Variants in RCAN2 observed in about 807,000 individuals in gnomAD.
RCAN2 encodes regulator of calcineurin 2, also known as calcipressin-2.
RCAN2 carries 9 observed loss-of-function variants against 23.6 expected under a neutral mutation model. That is an observed-to-expected ratio of 0.38 (90% confidence interval 0.23 to 0.67). The LOEUF is 0.67. Among genes scored for constraint, RCAN2 ranks in the 30% least tolerant of loss-of-function variants. RCAN2 has a pLI of 0.51. For missense variants in RCAN2, 273 were observed against 302.3 expected, an observed-to-expected ratio of 0.90 and a Z score of 0.72; for synonymous variants, 109 against 115.7, an observed-to-expected ratio of 0.94 and a Z score of 0.37.
chr6:46,279,867 T>C (rs1171902845), intron 2 of RCAN2, among the ~76,000 whole-genome samples: 1 of 152,230 alleles, frequency 6.6e-6, no homozygotes, highest in African/African-American at 2.4e-5. Context: ...AAGATGTGTC[T>C]GATGAATAGT....
intron 2 of RCAN2, among the ~76,000 whole-genome samples, chr6:46,405,844 G>A (rs1020825697): frequency 5.3e-5 from 8 of 152,332 alleles, no homozygotes; most frequent in African/African-American, 1.9e-4. Context: ...GGCTCGGGCC[G>A]CACAGGAGCC....
intron 2 of RCAN2, among the ~76,000 whole-genome samples, chr6:46,419,494 G>T (rs759133000): frequency 6.6e-6 from 1 of 152,086 alleles, no homozygotes; most frequent in African/African-American, 2.4e-5. Flanking sequence ...TTTCATCCAC[G>T]GAAGGTACAT....
intron 2 of RCAN2, among the ~76,000 whole-genome samples, chr6:46,332,506 G>T (rs1764009311): frequency 7.9e-6 from 1 of 127,126 alleles, no homozygotes; most frequent in Non-Finnish European, 1.5e-5. Context: ...TCCCCTTCCT[G>T]TGTCCATGTG....
intron 2 of RCAN2, among the ~76,000 whole-genome samples, chr6:46,385,829 CCT>C (rs1178778417): frequency 7.4e-6 from 1 of 135,812 alleles, no homozygotes; most frequent in Admixed American, 8.3e-5. Context: ...TGCACTCCAG[CCT>C]GGGCAGCAAA....
chr6:46,351,728 A>C (rs1764652606), intron 2 of RCAN2, among the ~76,000 whole-genome samples: 1 of 152,256 alleles, frequency 6.6e-6, no homozygotes, highest in Admixed American at 6.5e-5. Flanking sequence ...ATGCATCTGC[A>C]TGCAGTCCTA....
chr6:46,372,347 G>A (rs1161681001), intron 2 of RCAN2, among the ~76,000 whole-genome samples: 1 of 152,126 alleles, frequency 6.6e-6, no homozygotes, highest in East Asian at 1.9e-4. Flanking sequence ...TATGAGCTAG[G>A]TATTATTTCT....
chr6:46,307,893 C>A (rs1413431650), intron 2 of RCAN2, among the ~76,000 whole-genome samples: 1 of 152,098 alleles, frequency 6.6e-6, no homozygotes, highest in Non-Finnish European at 1.5e-5. Flanking sequence ...AGGCTTTGTT[C>A]AAGCAAGTTG....
chr6:46,405,017 T>C (rs1276134065), intron 2 of RCAN2, among the ~76,000 whole-genome samples: 2 of 152,236 alleles, frequency 1.3e-5, no homozygotes, highest in African/African-American at 2.4e-5. Context: ...TACTATCTTA[T>C]AACGGGTTGG....
chr6:46,350,997 A>G (rs1367428896), intron 2 of RCAN2, among the ~76,000 whole-genome samples: 2 of 152,216 alleles, frequency 1.3e-5, no homozygotes, highest in African/African-American at 4.8e-5. Flanking sequence ...TGATAATAGT[A>G]TCACCTTCTT....
intron 2 of RCAN2, among the ~76,000 whole-genome samples, chr6:46,266,563 G>A (rs191124300): frequency 3.7e-4 from 56 of 152,180 alleles, no homozygotes; most frequent in African/African-American, 1.3e-3. Context: ...GAGTATCCCC[G>A]GAAGAATTTA....
intron 2 of RCAN2, among the ~76,000 whole-genome samples, chr6:46,358,630 T>C (rs895635666): frequency 6.6e-6 from 1 of 152,186 alleles, no homozygotes; most frequent in Admixed American, 6.5e-5. Flanking sequence ...AAGAGGACTT[T>C]TGACAACTTA....
chr6:46,429,589 A>T (rs1767129167), intron 2 of RCAN2, among the ~76,000 whole-genome samples: 1 of 152,174 alleles, frequency 6.6e-6, no homozygotes, highest in Non-Finnish European at 1.5e-5. Context: ...GTACAAGCAG[A>T]ATCTGAAGGA....
intron 2 of RCAN2, among the ~76,000 whole-genome samples, chr6:46,347,466 A>C (rs1415841294): frequency 6.6e-6 from 1 of 152,212 alleles, no homozygotes; most frequent in Non-Finnish European, 1.5e-5. Flanking sequence ...AAAATTCTTC[A>C]GATTTAATAA....
chr6:46,276,089 C>A (rs1767688842), intron 2 of RCAN2, among the ~76,000 whole-genome samples: 1 of 152,052 alleles, frequency 6.6e-6, no homozygotes, highest in Non-Finnish European at 1.5e-5. Flanking sequence ...ACCTGTAGTG[C>A]CAGCTACTCG....
At chr6:46,458,973 C>G (rs947262345) in intron 1 of RCAN2, among the ~76,000 whole-genome samples, 4 of 152,246 alleles carry the variant, frequency 2.6e-5, no homozygotes, top group Admixed American at 2.6e-4. Flanking sequence ...CTCACTGCAA[C>G]CTCCACCTCC....
At chr6:46,260,584 C>G (rs960687770) in intron 2 of RCAN2, among the ~76,000 whole-genome samples, 2 of 152,136 alleles carry the variant, frequency 1.3e-5, no homozygotes, top group Admixed American at 1.3e-4. Flanking sequence ...GCCTAGGGCT[C>G]TTGTTGTTCT....
At chr6:46,325,269 G>C in intron 2 of RCAN2, 3 of 981,246 alleles carry the variant, frequency 3.1e-6, no homozygotes, top group Non-Finnish European at 1.5e-6. Flanking sequence ...CTCACTACAT[G>C]CATTTCTAGC....
At chr6:46,415,492 T>C (rs1056173587) in intron 2 of RCAN2, among the ~76,000 whole-genome samples, 2 of 152,134 alleles carry the variant, frequency 1.3e-5, no homozygotes. Context: ...CAGTAGCACA[T>C]GTGAGTGAAT....
intron 2 of RCAN2, among the ~76,000 whole-genome samples, chr6:46,425,674 C>T (rs957339719): frequency 6.6e-6 from 1 of 151,904 alleles, no homozygotes; most frequent in Non-Finnish European, 1.5e-5. Flanking sequence ...ATGTGAACAC[C>T]TATGATTAGT....
Sources: allele counts gnomAD v4.1 joint callset (sites outside exome capture counted in the v4.1 genomes callset), GRCh38; gene constraint gnomAD v4.1.1; transcripts MANE v1.5; gene names NCBI Gene and HGNC (gene_info 2026-07-23, HGNC 2026-07-21).